The following NAV3 variants were observed in gnomAD, a reference collection of about 807,000 sequenced individuals.
The protein encoded by NAV3 is neuron navigator 3, also known as pore membrane and/or filament interacting like protein 1.
In NAV3, 87 loss-of-function variants were observed where a neutral mutation model predicts 244.7. That is an observed-to-expected ratio of 0.36 (90% confidence interval 0.30 to 0.42). The LOEUF (loss-of-function observed/expected upper bound fraction) is 0.42, where lower values mean the gene tolerates loss of function less well. Ranked by LOEUF, NAV3 falls within the 20% of genes least tolerant of loss-of-function variation. The pLI is 1.00. For missense variants in NAV3, 2,663 were observed against 2,893.3 expected, an observed-to-expected ratio of 0.92 and a Z score of 1.83; for synonymous variants, 1,126 against 1,042.2, an observed-to-expected ratio of 1.08 and a Z score of -1.55.
At chr12:78,174,824 GT>G (rs1007818468) in intron 24 of NAV3, among the ~76,000 whole-genome samples, 4 of 151,942 alleles carry the variant, frequency 2.6e-5, no homozygotes, top group Admixed American at 2.0e-4. Flanking sequence ...ATGACTTCAG[GT>G]TTTGTTTTGG....
chr12:77,765,066 C>A (rs1010017691), intron 2 of NAV3, among the ~76,000 whole-genome samples: 5 of 152,178 alleles, frequency 3.3e-5, no homozygotes, highest in African/African-American at 7.2e-5. Context: ...AAGGGGAAGT[C>A]CCCAGAAATC....
intron 5 of NAV3, among the ~76,000 whole-genome samples, chr12:77,987,375 T>C (rs1483860384): frequency 6.6e-6 from 1 of 152,192 alleles, no homozygotes; most frequent in Non-Finnish European, 1.5e-5. Context: ...AAGACTTAAT[T>C]TTCATATTTG....
chr12:77,643,140 A>G (rs887931614), intron 2 of NAV3, among the ~76,000 whole-genome samples: 13 of 151,958 alleles, frequency 8.6e-5, no homozygotes, highest in Non-Finnish European at 4.4e-5. Flanking sequence ...AACCTCCTTG[A>G]TAAAACATGT....
chr12:77,841,246 A>G (rs1249871570), intron 1 of NAV3, among the ~76,000 whole-genome samples: 1 of 152,208 alleles, frequency 6.6e-6, no homozygotes. Flanking sequence ...CAGTATAACA[A>G]CGTGATGCCA....
At chr12:77,962,634 C>T (rs747792298) in intron 3 of NAV3, among the ~76,000 whole-genome samples, 8 of 152,126 alleles carry the variant, frequency 5.3e-5, no homozygotes, top group Admixed American at 1.3e-4. Flanking sequence ...CCACCTGCCA[C>T]GAACCCCACC....
intron 9 of NAV3, among the ~76,000 whole-genome samples, chr12:78,035,106 AG>A (rs1879626503): frequency 6.6e-6 from 1 of 152,164 alleles, no homozygotes; most frequent in Admixed American, 6.5e-5. Flanking sequence ...AACTTTACAA[AG>A]TAAGTGGTTA....
At chr12:78,169,953 C>T (rs986769461) in intron 24 of NAV3, among the ~76,000 whole-genome samples, 3 of 151,614 alleles carry the variant, frequency 2.0e-5, no homozygotes, top group African/African-American at 7.3e-5. Context: ...TGTAAATTCA[C>T]TCTTTTGTAT....
At chr12:78,027,367 C>T (rs1417543592) in intron 9 of NAV3, among the ~76,000 whole-genome samples, 3 of 150,250 alleles carry the variant, frequency 2.0e-5, no homozygotes, top group African/African-American at 7.4e-5. Flanking sequence ...ACTGCTTAAG[C>T]TCAGAAGTTC....
At chr12:77,990,017 C>T (rs1216767814) in intron 5 of NAV3, among the ~76,000 whole-genome samples, 2 of 145,174 alleles carry the variant, frequency 1.4e-5, no homozygotes, top group African/African-American at 5.3e-5. Flanking sequence ...ATCAGCTATT[C>T]ACCTCAATTT....
At chr12:78,097,168 G>T (rs1262030940) in intron 12 of NAV3, among the ~76,000 whole-genome samples, 1 of 152,104 alleles carries the variant, frequency 6.6e-6, no homozygotes, top group Non-Finnish European at 1.5e-5. Flanking sequence ...GAGACTGCCT[G>T]GAAAATCCTA....
intron 33 of NAV3, among the ~76,000 whole-genome samples, chr12:78,189,396 T>A (rs1958870770): frequency 6.6e-6 from 1 of 151,818 alleles, no homozygotes; most frequent in African/African-American, 2.4e-5. Context: ...GTAATTGAGT[T>A]CGTAAAATGA....
intron 2 of NAV3, among the ~76,000 whole-genome samples, chr12:77,766,734 A>ATTTTTTTTTTTTTTTTTT (rs1565805085): frequency 1.9e-5 from 1 of 53,342 alleles, no homozygotes; most frequent in African/African-American, 5.2e-5. Flanking sequence ...CAGGCAATTA[A>ATTTTTTTTTTTTTTTTTT]GTTTTTTTTT....
intron 1 of NAV3, among the ~76,000 whole-genome samples, chr12:77,833,536 G>A (rs1254707043): frequency 1.3e-5 from 2 of 152,196 alleles, no homozygotes; most frequent in Non-Finnish European, 2.9e-5. Flanking sequence ...CGACCCTACA[G>A]CAGCATCTAG....
At chr12:77,837,816 CAGG>C (rs1874934491) in intron 1 of NAV3, among the ~76,000 whole-genome samples, 1 of 152,186 alleles carries the variant, frequency 6.6e-6, no homozygotes, top group Non-Finnish European at 1.5e-5. Context: ...CTAGAATTAT[CAGG>C]AGAAGACAAT....
rs1184371479 is a variant in NAV3, at chr12:77,796,857, A to T, written c.73-143462A>T. 4.2e-5 allele frequency among the ~76,000 whole-genome samples: 6 copies of T among 143,812 alleles called. No individual in the cohort carries two copies. The East Asian group carries it at 8.2e-4, about 20-fold the overall frequency. The allele number at this position is 143,812 out of a possible 152,430, so 94.3% of individuals were successfully genotyped here. A position where few individuals can be genotyped will look rare whatever the true frequency, so the allele number is the denominator to read the frequency against. On this transcript the variant is annotated intron_variant, in intron 2 of 8. Transcript: ENST00000550042. Reference sequence around the variant, plus strand: ...ATTTTTAATTAAGGTTTTTTTTTTTAAATATAATGCTATTGAACACTTAAT... The same window carrying T: ...ATTTTTAATTAAGGTTTTTTTTTTTTAATATAATGCTATTGAACACTTAAT...
chr12:77,935,460 A>G (rs1889233226), intron 1 of NAV3, among the ~76,000 whole-genome samples: 1 of 152,228 alleles, frequency 6.6e-6, no homozygotes, highest in African/African-American at 2.4e-5. Context: ...TTAGTTAGGT[A>G]AACTATATTT....
chr12:77,647,997 A>G (rs557788528), intron 2 of NAV3, among the ~76,000 whole-genome samples: 2 of 152,292 alleles, frequency 1.3e-5, no homozygotes, highest in Admixed American at 1.3e-4. Flanking sequence ...CAGTTCAAAA[A>G]TAATGACACA....
chr12:78,168,750 C>G lies in NAV3; in HGVS notation c.4870-5C>G. 6.3e-7 allele frequency: 1 copy of G among 1,588,130 alleles called. No homozygotes were observed. Among genetic ancestry groups the G allele is most frequent in the Non-Finnish European group, 8.6e-7 (1 of 1,163,040 alleles). On this transcript the variant is annotated splice_polypyrimidine_tract_variant and splice_region_variant and intron_variant, in intron 23 of 39. Transcript: ENST00000397909. ...TAAAGCTTCCAAACTCTGTTTATTC[C>G]ACAGGAATCTGAACTTATAGAACTA...
At chr12:78,096,062 G>C (rs1172844458) in intron 12 of NAV3, among the ~76,000 whole-genome samples, 1 of 152,146 alleles carries the variant, frequency 6.6e-6, no homozygotes, top group African/African-American at 2.4e-5. Flanking sequence ...CCCAAGAAGA[G>C]TATTCAGTAC....
Sources: gnomAD v4.1 joint callset for allele counts (sites outside exome capture counted in the v4.1 genomes callset) on GRCh38, gnomAD v4.1.1 for gene constraint, MANE v1.5 for transcripts, NCBI Gene and HGNC (gene_info 2026-07-23, HGNC 2026-07-21) for gene names.